Variants in KCNAB2 observed in about 807,000 individuals in gnomAD.
KCNAB2 encodes potassium voltage-gated channel subfamily A regulatory beta subunit 2.
Under a neutral mutation model 63.6 loss-of-function variants are expected in KCNAB2, and 29 were observed. The observed-to-expected ratio is 0.46, with a 90% confidence interval of 0.34 to 0.62. The LOEUF is 0.62. Among genes scored for constraint, KCNAB2 ranks in the 20% least tolerant of loss-of-function variants. The probability of loss-of-function intolerance (pLI) is 0.01; values close to 1 mark genes in which losing one functional copy is unlikely to be tolerated. For synonymous variants in KCNAB2, 222 were observed against 224.2 expected (o/e 0.99, Z 0.09); for missense variants, 359 against 563.9 (o/e 0.64, Z 3.68).
At chr1:6,063,612 T>C (rs144850330) in intron 2 of KCNAB2, among the ~76,000 whole-genome samples, 1 of 152,246 alleles carries the variant, frequency 6.6e-6, no homozygotes, top group East Asian at 1.9e-4. Context: ...GGTTTCACCA[T>C]GTTAGCCAGG....
rs1662793439 is a variant in KCNAB2, at chr1:6,066,814, A to G, written c.219-5941A>G. ...GCCAGGCCCAGGGCCCAATTCCTCT[A>G]GCAGGCGGGACTCTTGCTCCAGCAG... On this transcript the variant is annotated intron_variant, in intron 2 of 15. Coordinates refer to ENST00000378083, the MANE Select transcript of KCNAB2 (RefSeq NM_001199862.2). Among the ~76,000 whole-genome samples the G allele has an allele frequency of 2.6e-5, 4 of 152,196 alleles. No individual in the cohort carries two copies. In the South Asian group the frequency reaches 8.3e-4, roughly 31 times the overall value.
intron 4 of KCNAB2, among the ~76,000 whole-genome samples, chr1:6,076,453 C>T (rs147480112): frequency 4.5e-4 from 68 of 152,344 alleles, no homozygotes; most frequent in African/African-American, 1.5e-3. Context: ...CTCACACTCC[C>T]CATTAGAAGC....
intron 2 of KCNAB2, among the ~76,000 whole-genome samples, chr1:6,067,866 C>T (rs1458411756): frequency 6.6e-6 from 1 of 151,994 alleles, no homozygotes; most frequent in African/African-American, 2.4e-5. Context: ...CCTGTCTCTA[C>T]CAAAAAATAC....
chr1:5,997,686 C>T (rs779841933), intron 1 of KCNAB2, among the ~76,000 whole-genome samples: 3 of 152,206 alleles, frequency 2.0e-5, no homozygotes, highest in Non-Finnish European at 4.4e-5. Context: ...TAGAATTCTG[C>T]CTCGGAGCCC....
At chr1:6,079,047 G>A (rs1011099193) in intron 4 of KCNAB2, among the ~76,000 whole-genome samples, 5 of 152,186 alleles carry the variant, frequency 3.3e-5, no homozygotes, top group African/African-American at 1.2e-4. Flanking sequence ...CCGCGGCAGG[G>A]GCTGAACTTC....
intron 5 of KCNAB2, among the ~76,000 whole-genome samples, chr1:6,083,942 C>T (rs191300289): frequency 1.4e-4 from 21 of 152,350 alleles, no homozygotes; most frequent in Non-Finnish European, 2.6e-4. Flanking sequence ...CCCCAGAGAT[C>T]GCTGCTAGCT....
chr1:6,055,706 G>C (rs1384339507), intron 2 of KCNAB2, among the ~76,000 whole-genome samples: 2 of 151,964 alleles, frequency 1.3e-5, no homozygotes, highest in African/African-American at 4.8e-5. Context: ...TTACACCCAG[G>C]TCAGGGTGAA....
At chr1:6,012,668 G>A (rs970427742) in intron 1 of KCNAB2, among the ~76,000 whole-genome samples, 2 of 151,832 alleles carry the variant, frequency 1.3e-5, no homozygotes, top group African/African-American at 4.8e-5. Context: ...TGATGAAGGT[G>A]GAGGTGGAGA....
Position 6,087,555 on chromosome 1 carries a change from C to A in KCNAB2, c.470+44C>A. On this transcript the variant is annotated intron_variant, in intron 7 of 15. Coordinates refer to ENST00000378083, the MANE Select transcript of KCNAB2 (RefSeq NM_001199862.2). The surrounding 1 kb of genome is among the most constrained non-coding windows in gnomAD (Gnocchi z 6.4). ...GATGCTTCCAGCCCCGGCCCAGCAG[C>A]CACGGCCCCGTGCTCCCCAGAGACC... is the stretch of plus-strand genomic sequence containing the variant. 1 of 1,606,314 alleles carries A rather than the reference C, an allele frequency of 6.2e-7. No individual in the cohort carries two copies. The highest frequency in any genetic ancestry group is 8.5e-7 in the Non-Finnish European group (1 of 1,173,104).
chr1:6,096,816 T>C lies in KCNAB2; in HGVS notation c.1069+60T>C. Reference sequence around the variant, plus strand: ...GGGGAGAACCTGCCCCAGCTGGCCGTAGGTAACAGGGTGGGGTTGCCATGG... The same window carrying C: ...GGGGAGAACCTGCCCCAGCTGGCCGCAGGTAACAGGGTGGGGTTGCCATGG... On this transcript the variant is annotated intron_variant, in intron 14 of 15. Transcript: ENST00000378083. This position sits in a 1 kb window ranked among gnomAD's most constrained non-coding sequence, Gnocchi z 5.9. The C allele has an allele frequency of 6.7e-7, 1 of 1,488,794 alleles. No individual in the cohort carries two copies. Among genetic ancestry groups the C allele is most frequent in the South Asian group, 1.3e-5 (1 of 76,846 alleles). The allele number at this position is 1,488,794 out of a possible 1,614,324, so 92.2% of individuals were successfully genotyped here. A position where few individuals can be genotyped will look rare whatever the true frequency, so the allele number is the denominator to read the frequency against.
Position 6,086,188 on chromosome 1 carries a change from T to C in KCNAB2, c.425+940T>C. 3.0e-6 allele frequency: 3 copies of C among 985,256 alleles called. No homozygotes were observed. Among genetic ancestry groups the C allele is most frequent in the Non-Finnish European group, 3.6e-6 (3 of 829,802 alleles). 61.0% of individuals were successfully genotyped at this position (985,256 alleles called of 1,614,324 possible). ...TCAGAAGCAGTTATAAAGTTGGGCC[T>C]CCCTCCTCCCTCCCCTCGAAATGCC... On this transcript the variant is annotated intron_variant, in intron 6 of 15. Transcript: ENST00000378083. The surrounding 1 kb of genome is among the most constrained non-coding windows in gnomAD (Gnocchi z 4.2).
chr1:6,100,004 C>T lies in KCNAB2; in HGVS notation c.*1430C>T, dbSNP rs1267096130. The T allele has an allele frequency of 1.9e-6, 3 of 1,540,816 alleles. No individual in the cohort carries two copies. Among genetic ancestry groups the T allele is most frequent in the Non-Finnish European group, 2.6e-6 (3 of 1,141,874 alleles). ...CAGGGCTCCACTGAAGCCACCCCCACCCCTCGCCAGCTAGCTCCATAGGGA... is the reference window on the plus strand; with the variant it reads ...CAGGGCTCCACTGAAGCCACCCCCATCCCTCGCCAGCTAGCTCCATAGGGA... On this transcript the variant is annotated 3_prime_UTR_variant, in exon 16 of 16. Transcript: ENST00000378083.
chr1:6,080,417 G>T (rs571905904), intron 4 of KCNAB2, among the ~76,000 whole-genome samples: 1 of 152,164 alleles, frequency 6.6e-6, no homozygotes, highest in African/African-American at 2.4e-5. Context: ...CTCGGGCGGC[G>T]GATGCATTTG....
chr1:5,998,626 G>T (rs1270977057), intron 1 of KCNAB2, among the ~76,000 whole-genome samples: 1 of 152,206 alleles, frequency 6.6e-6, no homozygotes, highest in African/African-American at 2.4e-5. Flanking sequence ...AGAGCCCGGG[G>T]AGGAGAGGAA....
upstream of KCNAB2, chr1:6,045,870 C>G: frequency 1.0e-6 from 1 of 985,040 alleles, no homozygotes; most frequent in Non-Finnish European, 1.2e-6. The surrounding 1 kb of genome is among the most constrained non-coding windows in gnomAD (Gnocchi z 4.8). Context: ...GGGCTGCACC[C>G]CAACCCCACG....
At chr1:6,015,547 G>A (rs1469165224) in intron 1 of KCNAB2, among the ~76,000 whole-genome samples, 1 of 152,238 alleles carries the variant, frequency 6.6e-6, no homozygotes, top group Non-Finnish European at 1.5e-5. Context: ...TGCTGCAAAA[G>A]TTTGCCCTTC....
intron 2 of KCNAB2, among the ~76,000 whole-genome samples, chr1:6,065,024 G>T (rs4908752): frequency 0.29 from 44,418 of 152,120 alleles, 7,147 homozygotes; most frequent in African/African-American, 0.43. Flanking sequence ...TGGGCCATCT[G>T]TGTCATAACC....
intron 1 of KCNAB2, among the ~76,000 whole-genome samples, chr1:6,050,546 G>A (rs1312694833): frequency 1.3e-5 from 2 of 152,170 alleles, no homozygotes; most frequent in Non-Finnish European, 2.9e-5. Flanking sequence ...TTCTCCCTTG[G>A]CCTTTTAATT....
chr1:6,011,924 A>C (rs1382650347), intron 1 of KCNAB2, among the ~76,000 whole-genome samples: 2 of 152,172 alleles, frequency 1.3e-5, no homozygotes, highest in Non-Finnish European at 2.9e-5. Flanking sequence ...GAGAAGCTGA[A>C]AGCAGTAGTG....
Sources: gnomAD v4.1 joint callset for allele counts (sites outside exome capture counted in the v4.1 genomes callset) on GRCh38, gnomAD v4.1.1 for gene constraint, Gnocchi (gnomAD v3.1) non-coding constraint, MANE v1.5 for transcripts, NCBI Gene and HGNC (gene_info 2026-07-23, HGNC 2026-07-21) for gene names.